Variants in MRPS27 observed in about 807,000 individuals in gnomAD.
The protein encoded by MRPS27 is mitochondrial ribosomal protein S27.
In MRPS27, 43 loss-of-function variants were observed where a neutral mutation model predicts 48.9. The observed-to-expected ratio is 0.88, with a 90% CI of 0.69 to 1.13. The LOEUF (loss-of-function observed/expected upper bound fraction) is 1.13. Among genes scored for constraint, MRPS27 ranks in the 50% most tolerant of loss-of-function variants. The pLI is 0.00. For missense variants in MRPS27, 467 were observed against 476.3 expected (o/e 0.98, Z 0.18); for synonymous variants, 188 against 171.9 (o/e 1.09, Z -0.73).
chr5:72,246,085 T>C (rs1400496173), intron 4 of MRPS27, among the ~76,000 whole-genome samples: 1 of 152,166 alleles, frequency 6.6e-6, no homozygotes, highest in East Asian at 1.9e-4. Context: ...TTATCTATCA[T>C]TTTGCGTCTA....
chr5:72,274,745 C>G (rs1371160664), intron 4 of MRPS27, among the ~76,000 whole-genome samples: 1 of 152,144 alleles, frequency 6.6e-6, no homozygotes, highest in African/African-American at 2.4e-5. Flanking sequence ...ATGAGCATCA[C>G]CACAAACACA....
At chr5:72,275,553 A>G (rs1245859532) in intron 4 of MRPS27, among the ~76,000 whole-genome samples, 1 of 152,242 alleles carries the variant, frequency 6.6e-6, no homozygotes, top group South Asian at 2.1e-4. Flanking sequence ...ATGGAACCCA[A>G]AAAGAGCCCA....
chr5:72,232,275 C>T (rs933683317), intron 7 of MRPS27, among the ~76,000 whole-genome samples, 168 bp downstream of exon 7: 1 of 152,124 alleles, frequency 6.6e-6, no homozygotes, highest in Non-Finnish European at 1.5e-5. Flanking sequence ...AGTGGAAGAA[C>T]CTCCAATTCC....
chr5:72,280,295 G>C (rs1749501406), intron 4 of MRPS27, among the ~76,000 whole-genome samples: 1 of 152,082 alleles, frequency 6.6e-6, no homozygotes. Flanking sequence ...TGAATTTATA[G>C]ATGAAATGTG....
chr5:72,301,065 A>C (rs546749988), intron 2 of MRPS27, among the ~76,000 whole-genome samples: 1 of 152,376 alleles, frequency 6.6e-6, no homozygotes, highest in South Asian at 2.1e-4. Flanking sequence ...ATTGGTATCA[A>C]GTAATAAGGA....
At chr5:72,242,702 A>T (rs866582098) in intron 4 of MRPS27, among the ~76,000 whole-genome samples, 1 of 138,304 alleles carries the variant, frequency 7.2e-6, no homozygotes, top group Non-Finnish European at 1.6e-5. Flanking sequence ...ACACACACAC[A>T]CACACTCACG....
chr5:72,279,466 A>G (rs928503283), intron 4 of MRPS27, among the ~76,000 whole-genome samples: 3 of 152,256 alleles, frequency 2.0e-5, no homozygotes, highest in Admixed American at 1.3e-4. Flanking sequence ...AATGCATTAA[A>G]CCTTATCAGA....
At chr5:72,308,036 T>C (rs918945077) in intron 2 of MRPS27, 1 of 152,318 alleles carries the variant, frequency 6.6e-6, no homozygotes, top group African/African-American at 2.4e-5. Context: ...CGGCCCTGGC[T>C]GGCTGCTGAG....
intron 4 of MRPS27, among the ~76,000 whole-genome samples, chr5:72,286,899 A>T (rs1250705693): frequency 6.6e-6 from 1 of 152,184 alleles, no homozygotes; most frequent in Non-Finnish European, 1.5e-5. Flanking sequence ...AACTTCTAAA[A>T]CAAAATCTAG....
chr5:72,320,227 A>T lies in MRPS27; in HGVS notation c.-6T>A. 3 of 1,613,870 alleles carry T rather than the reference A, an allele frequency of 1.9e-6. No individual in the cohort carries two copies. The highest frequency in any genetic ancestry group is 2.5e-6 in the Non-Finnish European group (3 of 1,179,866). ...CGCACTATGGAGGCAGCCATCTTGG[A>T]GCGTACCAAAAGGAACAGCCAACGG... On this transcript the variant is annotated 5_prime_UTR_variant, in exon 1 of 11. Coordinates refer to ENST00000261413, the MANE Select transcript of MRPS27 (RefSeq NM_015084.3).
At chr5:72,314,228 T>C in intron 1 of MRPS27, 70 bp from the exon 2 acceptor site, 1 of 1,103,614 alleles carries the variant, frequency 9.1e-7, no homozygotes, top group East Asian at 2.4e-5. Flanking sequence ...TTTTATTAAA[T>C]ATATCTTCAC....
intron 4 of MRPS27, among the ~76,000 whole-genome samples, chr5:72,258,655 C>A (rs1306412121): frequency 6.6e-6 from 1 of 152,088 alleles, no homozygotes; most frequent in Admixed American, 6.5e-5. Context: ...CTCCTCCCCT[C>A]AATAGAACAT....
chr5:72,291,530 T>C (rs1749819565), intron 4 of MRPS27, among the ~76,000 whole-genome samples: 1 of 152,220 alleles, frequency 6.6e-6, no homozygotes, highest in Admixed American at 6.5e-5. Flanking sequence ...TTCTAAGCAG[T>C]GATATCTGTA....
At chr5:72,265,338 G>C (rs1018547220) in intron 4 of MRPS27, among the ~76,000 whole-genome samples, 3 of 152,116 alleles carry the variant, frequency 2.0e-5, no homozygotes, top group Non-Finnish European at 4.4e-5. Context: ...GGCATCACAG[G>C]GTCTGGGCAC....
chr5:72,276,921 C>T lies in MRPS27; in HGVS notation c.281+18610G>A, dbSNP rs555688612. 4.9e-4 allele frequency among the ~76,000 whole-genome samples: 74 copies of T among 152,168 alleles called. No individual in the cohort carries two copies. In the South Asian group the frequency reaches 0.01, roughly 21 times the overall value. On this transcript the variant is annotated intron_variant, in intron 4 of 10. Transcript: ENST00000261413. The stretch of plus-strand genomic sequence containing the variant: ...TGACGGGCACCTGTAGTCCCAGCTA[C>T]TTGGGAGGCTGAGGCAGGAGAATTG...
chr5:72,225,174 T>A (rs966502876), intron 9 of MRPS27, among the ~76,000 whole-genome samples: 1 of 152,188 alleles, frequency 6.6e-6, no homozygotes, highest in Non-Finnish European at 1.5e-5. Context: ...GAAATGTATA[T>A]CCTTTGTTAT....
At chr5:72,271,778 T>A (rs1233766025) in intron 4 of MRPS27, among the ~76,000 whole-genome samples, 1 of 152,178 alleles carries the variant, frequency 6.6e-6, no homozygotes, top group East Asian at 1.9e-4. Flanking sequence ...ATAATACCCA[T>A]GAAAGTTAGC....
intron 1 of MRPS27, 71 bp from the exon 2 acceptor site, chr5:72,314,229 A>G: frequency 9.3e-7 from 1 of 1,075,200 alleles, no homozygotes; most frequent in Non-Finnish European, 1.4e-6. Flanking sequence ...TTTATTAAAT[A>G]TATCTTCACT....
intron 4 of MRPS27, among the ~76,000 whole-genome samples, chr5:72,272,742 C>A (rs766651575): frequency 6.6e-6 from 1 of 152,102 alleles, no homozygotes; most frequent in Admixed American, 6.6e-5. Context: ...ACTGGAGACT[C>A]CTGACACAGA....
Sources: gnomAD v4.1 joint callset for allele counts (sites outside exome capture counted in the v4.1 genomes callset) on GRCh38, gnomAD v4.1.1 for gene constraint, MANE v1.5 for transcripts, NCBI Gene and HGNC (gene_info 2026-07-23, HGNC 2026-07-21) for gene names.